The following SLC35B1 variants were observed in gnomAD, a reference collection of about 807,000 sequenced individuals.
The protein encoded by SLC35B1 is ATP/ADP exchanger ER.
SLC35B1 carries 27 observed loss-of-function variants against 36.6 expected under a neutral mutation model. The ratio of observed to expected loss-of-function variants is 0.74; its 90% CI spans 0.54 to 1.02. The LOEUF (loss-of-function observed/expected upper bound fraction) is 1.02. SLC35B1 is among the 50% of genes least tolerant of loss of function. SLC35B1 has a pLI of 0.00. For missense variants in SLC35B1, 321 were observed against 383.2 expected (o/e 0.84, Z 1.35); for synonymous variants, 162 against 152.5 (o/e 1.06, Z -0.46).
intron 1 of SLC35B1, chr17:49,707,281 G>A: frequency 6.8e-7 from 1 of 1,465,588 alleles, no homozygotes; most frequent in Non-Finnish European, 9.0e-7. Context: ...CAAAGCCTAA[G>A]AAAAGAATAC....
rs1404222171 is a variant in SLC35B1 at position 49,701,407 on chromosome 17, G to A, written c.*51C>T. The stretch of plus-strand genomic sequence containing the variant: ...GTCCATTTTCCCAAGAGATGTCACT[G>A]TTTGAGATAATAACTTAAATATTCT... On this transcript the variant is annotated 3_prime_UTR_variant, in exon 9 of 9. Transcript: ENST00000240333. 3.5e-6 allele frequency: 5 copies of A among 1,417,726 alleles called. No homozygotes were observed. 87.8% of individuals were successfully genotyped at this position (1,417,726 alleles called of 1,614,324 possible). A position where few individuals can be genotyped will look rare whatever the true frequency, so the allele number is the denominator to read the frequency against.
rs1179837823 is a variant in SLC35B1 at position 49,706,054 on chromosome 17, G to GTT, written c.339+149_339+150insAA. ...ATGGCCCAACCCACCACCACTAAAC[G>GTT]TAAGTTCTATGGTTCTATACACTCC... On this transcript the variant is annotated intron_variant, in intron 3 of 8. Transcript: ENST00000240333. The GTT allele has an allele frequency of 3.1e-6, 4 of 1,294,202 alleles. No homozygotes were observed. In the Admixed American group the frequency reaches 9.8e-5, roughly 32 times the overall value. 80.2% of individuals were successfully genotyped at this position (1,294,202 alleles called of 1,614,324 possible). A position where few individuals can be genotyped will look rare whatever the true frequency, so the allele number is the denominator to read the frequency against.
chr17:49,707,549 A>C lies in SLC35B1; in HGVS notation c.104+181T>G, dbSNP rs995191726. On this transcript the variant is annotated intron_variant, in intron 1 of 8. Coordinates refer to ENST00000240333, the MANE Select transcript of SLC35B1 (RefSeq NM_005827.4). ...ATAACCAAGTCCGAAGAATCCAGAAAATAATCCTGGAGTTCTGGAATTCTG... is the reference window on the plus strand; with the variant it reads ...ATAACCAAGTCCGAAGAATCCAGAACATAATCCTGGAGTTCTGGAATTCTG... 5.4e-6 allele frequency: 8 copies of C among 1,484,718 alleles called. No homozygotes were observed. The Admixed American group carries it at 1.5e-4, about 28-fold the overall frequency. 92.0% of individuals were successfully genotyped at this position (1,484,718 alleles called of 1,614,324 possible).
At chr17:49,706,362 AAAAGAAAAG>A in intron 2 of SLC35B1, 28 bp from the exon 3 acceptor site, 1 of 1,096,522 alleles carries the variant, frequency 9.1e-7, no homozygotes, top group Non-Finnish European at 1.2e-6. Context: ...AAAAAAAAAA[AAAAGAAAAG>A]AAAAGAAAAA....
intron 4 of SLC35B1, 160 bp from the exon 5 acceptor site, chr17:49,705,441 A>C (rs905294671): frequency 1.4e-6 from 1 of 700,426 alleles, no homozygotes; most frequent in Non-Finnish European, 2.3e-6. Context: ...TGGCACCTAG[A>C]TAAGGATTGA....
intron 5 of SLC35B1, 78 bp downstream of exon 5, chr17:49,705,046 C>A: frequency 6.9e-7 from 1 of 1,458,848 alleles, no homozygotes; most frequent in Non-Finnish European, 9.5e-7. Context: ...ACAGAACTGG[C>A]CTTCTACCTG....
rs61136804 is a variant in SLC35B1, at chr17:49,706,346, C to CAA, written c.209-14_209-13dup. On this transcript the variant is annotated splice_polypyrimidine_tract_variant and intron_variant, in intron 2 of 8. Coordinates refer to ENST00000240333, the MANE Select transcript of SLC35B1 (RefSeq NM_005827.4). The stretch of plus-strand genomic sequence containing the variant: ...AAAAAACTGGATCACTGGGAGAAGA[C>CAA]AAAAAAAAAAAAAAAAAAAGAAAAG... 1,639 of 732,822 alleles carry CAA rather than the reference C, an allele frequency of 2.2e-3. No individual in the cohort carries two copies. Among genetic ancestry groups the CAA allele is most frequent in the East Asian group, 3.8e-3 (65 of 17,168 alleles). 45.4% of individuals were successfully genotyped at this position (732,822 alleles called of 1,614,324 possible). A position where few individuals can be genotyped will look rare whatever the true frequency, so the allele number is the denominator to read the frequency against.
intron 1 of SLC35B1, 196 bp downstream of exon 1, chr17:49,707,534 C>A: frequency 6.7e-7 from 1 of 1,490,806 alleles, no homozygotes. Context: ...ATAACCAAGT[C>A]CGAAGAATCC....
intron 8 of SLC35B1, 34 bp downstream of exon 8, chr17:49,702,824 T>G (rs1193321932): frequency 6.4e-7 from 1 of 1,560,380 alleles, no homozygotes; most frequent in African/African-American, 1.4e-5. Context: ...GAGAAAAAAT[T>G]CAGCTGTCAC....
chr17:49,707,428 G>A (rs780217908), intron 1 of SLC35B1: 2 of 1,452,054 alleles, frequency 1.4e-6, no homozygotes, highest in East Asian at 3.0e-5. Context: ...AGTACCAAAA[G>A]GGGGCCGACT....
chr17:49,705,637 C>A, intron 4 of SLC35B1: 1 of 606,044 alleles, frequency 1.7e-6, no homozygotes, highest in Non-Finnish European at 2.9e-6. Context: ...AATGGCTGAC[C>A]AAGTGAAGCA....
upstream of SLC35B1, chr17:49,707,968 C>T (rs1252037728): frequency 1.3e-6 from 2 of 1,529,196 alleles, no homozygotes; most frequent in Non-Finnish European, 1.8e-6. Flanking sequence ...GACCGCTGTC[C>T]AGCAGGGCCC....
chr17:49,705,982 G>C (rs955269478), intron 3 of SLC35B1, 86 bp from the exon 4 acceptor site: 1 of 1,417,188 alleles, frequency 7.1e-7, no homozygotes, highest in African/African-American at 1.4e-5. Context: ...AGATGAGTAA[G>C]CACAGGGCCT....
chr17:49,704,253 G>C, intron 5 of SLC35B1, 27 bp from the exon 6 acceptor site: 5 of 1,610,332 alleles, frequency 3.1e-6, no homozygotes, highest in Non-Finnish European at 4.2e-6. Context: ...GCAGCCTGCA[G>C]TGAAGTGGCC....
chr17:49,702,344 C>T (rs1328855263), intron 8 of SLC35B1: 1 of 154,062 alleles, frequency 6.5e-6, no homozygotes, highest in African/African-American at 2.4e-5. Flanking sequence ...TGGTCTCGAA[C>T]TCCTAAACTC....
intron 6 of SLC35B1, 92 bp from the exon 7 acceptor site, chr17:49,703,386 G>A (rs1320021360): frequency 6.1e-6 from 5 of 817,324 alleles, no homozygotes; most frequent in Admixed American, 1.9e-5. Flanking sequence ...AGACACTCCT[G>A]CACATGGCCT....
intron 1 of SLC35B1, 83 bp from the exon 2 acceptor site, chr17:49,707,151 A>T: frequency 7.0e-7 from 1 of 1,418,814 alleles, no homozygotes; most frequent in Non-Finnish European, 9.8e-7. Context: ...GCCACTGAAA[A>T]CTTTAAAATT....
intron 6 of SLC35B1, 52 bp from the exon 7 acceptor site, chr17:49,703,346 GCGCACACACA>G (rs761390677): frequency 1.2e-5 from 8 of 667,720 alleles, no homozygotes; most frequent in African/African-American, 4.1e-5. Flanking sequence ...CACAAAATGT[GCGCACACACA>G]CACACACACA....
intron 2 of SLC35B1, 144 bp from the exon 3 acceptor site, chr17:49,706,478 C>A: frequency 6.7e-6 from 5 of 748,110 alleles, no homozygotes; most frequent in Non-Finnish European, 1.0e-5. Flanking sequence ...AAGACACAAG[C>A]TATTTCTGTC....
Sources: gnomAD v4.1 joint callset for allele counts on GRCh38, gnomAD v4.1.1 for gene constraint, MANE v1.5 for transcripts, NCBI Gene and HGNC (gene_info 2026-07-23, HGNC 2026-07-21) for gene names.